The following ACSM3 variants were observed in gnomAD, a reference collection of about 807,000 sequenced individuals.
ACSM3 encodes the protein acyl-coenzyme A synthetase ACSM3, mitochondrial.
In ACSM3, 61 loss-of-function variants were observed where a neutral mutation model predicts 74.1. That is an observed-to-expected ratio of 0.82 (90% CI 0.67 to 1.02). The LOEUF is 1.02. Among genes scored for constraint, ACSM3 ranks in the 50% least tolerant of loss-of-function variants. The pLI is 0.00. For synonymous variants in ACSM3, 213 were observed against 241.5 expected, an observed-to-expected ratio of 0.88 and a Z score of 1.09; for missense variants, 660 against 697.0, an observed-to-expected ratio of 0.95 and a Z score of 0.60.
At chr16:20,711,620 C>A in intron 1 of ACSM3, 1 of 1,043,366 alleles carries the variant, frequency 9.6e-7, no homozygotes, top group Non-Finnish European at 1.4e-6. Flanking sequence ...GACTTTAAGA[C>A]CAAACTCCTG....
At chr16:20,776,494 T>C (rs2080257474) in intron 3 of ACSM3, among the ~76,000 whole-genome samples, 3 of 152,174 alleles carry the variant, frequency 2.0e-5, no homozygotes, top group Admixed American at 1.3e-4. Flanking sequence ...TTTCCATCCC[T>C]GTCTTAAGGG....
At chr16:20,685,827 A>C (rs1222202369) in intron 1 of ACSM3, among the ~76,000 whole-genome samples, 4 of 111,430 alleles carry the variant, frequency 3.6e-5, no homozygotes, top group Middle Eastern at 4.4e-3. Flanking sequence ...CTCAAAAAAA[A>C]AAAACAAACA....
intron 2 of ACSM3, among the ~76,000 whole-genome samples, chr16:20,770,634 T>G (rs979756832): frequency 1.3e-5 from 2 of 152,040 alleles, no homozygotes; most frequent in Admixed American, 6.5e-5. Flanking sequence ...ATGCAAGAAT[T>G]CTCACTTATT....
intron 1 of ACSM3, chr16:20,691,166 CG>C (rs770987196): frequency 1.2e-6 from 2 of 1,600,824 alleles, no homozygotes; most frequent in South Asian, 2.3e-5. Flanking sequence ...CCAGAGGGTC[CG>C]GAACCTCATT....
chr16:20,687,860 G>C (rs973947415), intron 1 of ACSM3, among the ~76,000 whole-genome samples: 4 of 152,102 alleles, frequency 2.6e-5, no homozygotes, highest in African/African-American at 9.7e-5. Flanking sequence ...GAGGCTACCG[G>C]ATCACTTGAG....
At chr16:20,748,083 G>A (rs2079965419) in intron 1 of ACSM3, among the ~76,000 whole-genome samples, 1 of 152,116 alleles carries the variant, frequency 6.6e-6, no homozygotes, top group Non-Finnish European at 1.5e-5. Flanking sequence ...GCTGCAGTGA[G>A]CCATGATCTG....
chr16:20,797,261 T>G lies in ACSM3; in HGVS notation c.*289T>G. Reference sequence around the variant, plus strand: ...ATAGAAGCAGTTTCTGAACCAGATCTCTGCTACATAGGTTTTCAAACTTTA... The same window carrying G: ...ATAGAAGCAGTTTCTGAACCAGATCGCTGCTACATAGGTTTTCAAACTTTA... On this transcript the variant is annotated 3_prime_UTR_variant, in exon 14 of 14. Coordinates refer to ENST00000289416, the MANE Select transcript of ACSM3 (RefSeq NM_005622.4). 1.9e-6 allele frequency: 2 copies of G among 1,080,656 alleles called. No homozygotes were observed. The highest frequency in any genetic ancestry group is 2.2e-6 in the Non-Finnish European group (2 of 895,016). The allele number at this position is 1,080,656 out of a possible 1,614,324, so 66.9% of individuals were successfully genotyped here. A position where few individuals can be genotyped will look rare whatever the true frequency, so the allele number is the denominator to read the frequency against.
intron 2 of ACSM3, among the ~76,000 whole-genome samples, chr16:20,773,843 GGA>G (rs2080222528): frequency 6.6e-6 from 1 of 152,166 alleles, no homozygotes; most frequent in Non-Finnish European, 1.5e-5. Flanking sequence ...TGTAGCTGTT[GGA>G]TAAAATGTTG....
intron 1 of ACSM3, among the ~76,000 whole-genome samples, chr16:20,744,897 AT>A (rs1292313608): frequency 6.6e-6 from 1 of 152,222 alleles, no homozygotes; most frequent in Admixed American, 6.5e-5. Flanking sequence ...ATTCTGTTAA[AT>A]TTAATTTGTC....
At chr16:20,739,176 ATTTTT>A (rs34908456) in intron 1 of ACSM3, 4 of 793,646 alleles carry the variant, frequency 5.0e-6, no homozygotes, top group Non-Finnish European at 7.4e-6. Flanking sequence ...CTCAGTATTG[ATTTTT>A]TTTTTTTTTC....
chr16:20,788,344 C>G (rs542074932), intron 9 of ACSM3, among the ~76,000 whole-genome samples: 1 of 152,330 alleles, frequency 6.6e-6, no homozygotes, highest in Admixed American at 6.5e-5. Flanking sequence ...CTATCAGGGT[C>G]TTACAGGCAC....
intron 12 of ACSM3, 163 bp from the exon 13 acceptor site, chr16:20,796,207 C>T (rs2080719634): frequency 2.4e-6 from 3 of 1,241,204 alleles, no homozygotes; most frequent in Middle Eastern, 2.6e-4. Context: ...TAGGTACAGA[C>T]CAGGAAGTGG....
rs746186908 is a variant in ACSM3, at chr16:20,780,825, C to G, written c.750C>G (p.Ser250Arg). The G allele has an allele frequency of 6.2e-7, 1 of 1,614,214 alleles. No individual in the cohort carries two copies. Among genetic ancestry groups the G allele is most frequent in the South Asian group, 1.1e-5 (1 of 91,082 alleles). The change falls in exon 5 of 14, where the codon AGC (serine) becomes AGG (arginine). Residue 250 changes from serine to arginine, a missense_variant. By Grantham distance (110) the Ser-to-Arg change is moderately radical (BLOSUM62 -1). Coordinates refer to ENST00000289416, the MANE Select transcript of ACSM3 (RefSeq NM_005622.4). ...CGAAAATGACTGCACACACCCACAGCAGTTTTGGTTTAGGATTATCTGTAA... is the reference window on the plus strand; with the variant it reads ...CGAAAATGACTGCACACACCCACAGGAGTTTTGGTTTAGGATTATCTGTAA... The part of the protein sequence containing the change: ...GYPKMTAHTH[S>R]SFGLGLSVNG...
intron 9 of ACSM3, among the ~76,000 whole-genome samples, chr16:20,789,146 T>A (rs2080538461): frequency 6.6e-6 from 1 of 152,198 alleles, no homozygotes. Context: ...CTGATTTTTT[T>A]AATTGGATTA....
intron 1 of ACSM3, chr16:20,728,609 A>G (rs1432781870): frequency 4.8e-6 from 2 of 417,560 alleles, no homozygotes; most frequent in East Asian, 9.1e-5. Flanking sequence ...CAGCAGTAAA[A>G]TGCAGAGACT....
At chr16:20,759,862 G>A (rs535274938), upstream of ACSM3, among the ~76,000 whole-genome samples, 109 of 152,170 alleles carry the variant, frequency 7.2e-4, no homozygotes, top group Admixed American at 2.0e-3. Flanking sequence ...CACTTGAAGT[G>A]GGGGGCAGTC....
At chr16:20,756,021 T>C (rs1460488512) in intron 3 of ACSM3, among the ~76,000 whole-genome samples, 2 of 152,152 alleles carry the variant, frequency 1.3e-5, no homozygotes, top group Non-Finnish European at 2.9e-5. Context: ...ATTTTCTTAA[T>C]CCAGTCTGTC....
At position 20,737,852 on chromosome 16, in the gene ACSM3, C is replaced by G. The variant is rs990903968; in HGVS notation, c.-189-12058C>G. On this transcript the variant is annotated intron_variant, in intron 1 of 3. Coordinates refer to the ACSM3 transcript ENST00000561584. ...TATTTTTTCATATCTTCTAAAAAAG[C>G]CTTGCATGTGCCTGAGATGGGTAAC... The G allele has an allele frequency of 3.1e-6, 5 of 1,613,722 alleles. No individual in the cohort carries two copies. Among genetic ancestry groups the G allele is most frequent in the Non-Finnish European group, 4.2e-6 (5 of 1,179,922 alleles).
chr16:20,698,189 CAAA>C (rs759884200), intron 1 of ACSM3, among the ~76,000 whole-genome samples: 9 of 75,218 alleles, frequency 1.2e-4, no homozygotes, highest in Admixed American at 1.5e-4. Flanking sequence ...GACTCTGTCT[CAAA>C]AAAAAAAAAA....
Sources: allele counts gnomAD v4.1 joint callset (sites outside exome capture counted in the v4.1 genomes callset), GRCh38; gene constraint gnomAD v4.1.1; transcripts MANE v1.5; gene names NCBI Gene and HGNC (gene_info 2026-07-23, HGNC 2026-07-21).